The following DOCK10 variants were observed in gnomAD, a reference collection of about 807,000 sequenced individuals.
The protein encoded by DOCK10 is dedicator of cytokinesis 10.
DOCK10 carries 145 observed loss-of-function variants against 280.1 expected under a neutral mutation model. The observed-to-expected ratio is 0.52, with a 90% CI of 0.45 to 0.59. The LOEUF (loss-of-function observed/expected upper bound fraction) is 0.59, where lower values mean the gene tolerates loss of function less well. Ranked by LOEUF, DOCK10 falls within the 20% of genes least tolerant of loss-of-function variation. The pLI is 0.00. For synonymous variants in DOCK10, 915 were observed against 942.2 expected (o/e 0.97, Z 0.53); for missense variants, 2,368 against 2,651.7 (o/e 0.89, Z 2.35).
At chr2:224,868,403 G>A (rs576492657) in intron 11 of DOCK10, among the ~76,000 whole-genome samples, 1 of 152,126 alleles carries the variant, frequency 6.6e-6, no homozygotes, top group South Asian at 2.1e-4. Flanking sequence ...GATTAAAGTT[G>A]GAATACGCCT....
intron 4 of DOCK10, among the ~76,000 whole-genome samples, chr2:224,890,949 A>T (rs1302526735): frequency 1.3e-5 from 2 of 152,232 alleles, no homozygotes; most frequent in Admixed American, 6.5e-5. Flanking sequence ...AACTGCAGAC[A>T]TCTATAGCTG....
intron 1 of DOCK10, among the ~76,000 whole-genome samples, chr2:224,950,732 AAGTT>A (rs1703683807): frequency 6.6e-6 from 1 of 152,208 alleles, no homozygotes; most frequent in Non-Finnish European, 1.5e-5. Flanking sequence ...ACTTAAGAAA[AAGTT>A]AGGACTGGAG....
intron 55 of DOCK10, chr2:224,768,934 G>T (rs145840926): frequency 2.2e-6 from 1 of 456,406 alleles, no homozygotes. Context: ...GTATAAACAC[G>T]GACCTCGACA....
At chr2:224,954,454 A>G (rs903276429) in intron 1 of DOCK10, among the ~76,000 whole-genome samples, 8 of 151,826 alleles carry the variant, frequency 5.3e-5, no homozygotes, top group Admixed American at 5.3e-4. Context: ...ACCCTTTTTG[A>G]AGTTTTTGAT....
chr2:225,024,004 G>A (rs1157518553), intron 1 of DOCK10, among the ~76,000 whole-genome samples: 1 of 152,280 alleles, frequency 6.6e-6, no homozygotes, highest in East Asian at 1.9e-4. Flanking sequence ...CTCCTGATCC[G>A]ATGTACTAAG....
chr2:225,001,375 C>T (rs1191789836), intron 1 of DOCK10, among the ~76,000 whole-genome samples: 7 of 148,608 alleles, frequency 4.7e-5, no homozygotes, highest in African/African-American at 1.0e-4. Context: ...CTGCAAGCTC[C>T]GCCTCCCGGG....
At chr2:224,842,544 T>C (rs572881681) in intron 22 of DOCK10, among the ~76,000 whole-genome samples, 22 of 152,286 alleles carry the variant, frequency 1.4e-4, no homozygotes, top group African/African-American at 5.3e-4. Flanking sequence ...AGAAAGGCAT[T>C]TGTAGCTTGG....
Position 224,841,854 on chromosome 2 carries a change from C to T in DOCK10, c.2611G>A (p.Glu871Lys). Residue 871 changes from glutamate (E) to lysine (K), a missense_variant, in exon 23 of 56, where the codon GAG becomes AAG. Glu to Lys is a moderately conservative substitution (Grantham distance 56, BLOSUM62 1). Around this residue, in one of 2 missense-constraint regions of DOCK10, gnomAD observed 1,209 missense variants for 1,250.9 expected, o/e 0.97. Transcript: ENST00000258390. ...GTAGGTGACTGAGACATATCTTTCT[C>T]TCTTTTTTGGCACTCTTGGAAAAAT... ...NAFFQECQKR[E>K]KDMSQSPTSN... 1 of 1,613,682 alleles carries T rather than the reference C, an allele frequency of 6.2e-7. No homozygotes were observed. Among genetic ancestry groups the T allele is most frequent in the South Asian group, 1.1e-5 (1 of 91,058 alleles).
chr2:224,905,132 A>AT (rs1413469095), intron 3 of DOCK10, among the ~76,000 whole-genome samples: 3 of 152,096 alleles, frequency 2.0e-5, no homozygotes, highest in South Asian at 2.1e-4. Flanking sequence ...TATTATACTC[A>AT]TTGGATCTTA....
chr2:224,874,806 C>A, intron 8 of DOCK10, 55 bp from the exon 9 acceptor site: 1 of 1,502,578 alleles, frequency 6.7e-7, no homozygotes, highest in South Asian at 1.1e-5. Flanking sequence ...GTCACACATT[C>A]TTCTAGCCTG....
chr2:224,916,851 AAC>A, intron 2 of DOCK10, 67 bp from the exon 3 acceptor site: 1 of 1,208,928 alleles, frequency 8.3e-7, no homozygotes, highest in East Asian at 2.5e-5. Flanking sequence ...CAGCACACTG[AAC>A]ACACAAAAGG....
chr2:224,980,106 G>A (rs1276399389), intron 1 of DOCK10, among the ~76,000 whole-genome samples: 2 of 152,178 alleles, frequency 1.3e-5, no homozygotes, highest in African/African-American at 4.8e-5. Context: ...CACTGGAGGA[G>A]GAGAAGGGGT....
At position 225,007,746 on chromosome 2, in the gene DOCK10, C is replaced by T. The variant is rs531634864; in HGVS notation, c.123+34506G>A. Among the ~76,000 whole-genome samples the T allele has an allele frequency of 7.2e-5, 11 of 152,010 alleles. No homozygotes were observed. In the South Asian group the frequency reaches 1.5e-3, roughly 20 times the overall value. ...TAGGAAGGATACAGACAAGCAGGAC[C>T]GATTGCAAGGAGAGCAATGAAGACA... On this transcript the variant is annotated intron_variant, in intron 1 of 55. Transcript: ENST00000258390.
At chr2:224,995,628 G>A (rs1706250346) in intron 1 of DOCK10, among the ~76,000 whole-genome samples, 1 of 152,144 alleles carries the variant, frequency 6.6e-6, no homozygotes, top group Admixed American at 6.5e-5. Flanking sequence ...CAGAACCATG[G>A]AGAGCCACCC....
At chr2:224,999,778 G>T (rs1410735272) in intron 1 of DOCK10, among the ~76,000 whole-genome samples, 4 of 143,412 alleles carry the variant, frequency 2.8e-5, no homozygotes, top group Non-Finnish European at 6.0e-5. Flanking sequence ...GCCCATAATT[G>T]CAGATAAGAA....
At chr2:224,796,241 T>G (rs946673377) in intron 44 of DOCK10, 75 bp downstream of exon 44, 14 of 936,268 alleles carry the variant, frequency 1.5e-5, no homozygotes, top group Admixed American at 6.3e-5. Flanking sequence ...TTTTTATGAT[T>G]TTGATATCTC....
At chr2:224,840,526 T>A (rs1695894343) in intron 23 of DOCK10, among the ~76,000 whole-genome samples, 1 of 152,190 alleles carries the variant, frequency 6.6e-6, no homozygotes, top group Non-Finnish European at 1.5e-5. Context: ...ACGTCATTAA[T>A]CATTGGAGAA....
intron 1 of DOCK10, among the ~76,000 whole-genome samples, chr2:224,933,297 G>A (rs547696717): frequency 1.3e-5 from 2 of 152,260 alleles, no homozygotes; most frequent in African/African-American, 4.8e-5. Context: ...CCCAGGCAAA[G>A]GTTAATTCCA....
At chr2:225,039,462 G>A (rs906036915) in intron 1 of DOCK10, among the ~76,000 whole-genome samples, 4 of 152,136 alleles carry the variant, frequency 2.6e-5, no homozygotes, top group African/African-American at 9.7e-5. Context: ...TACTGTTCTT[G>A]GGAGGGGTGA....
Sources: gnomAD v4.1 joint callset for allele counts (sites outside exome capture counted in the v4.1 genomes callset) on GRCh38, gnomAD v4.1.1 for gene constraint, gnomAD v4.1.1 regional missense constraint, MANE v1.5 for transcripts, NCBI Gene and HGNC (gene_info 2026-07-23, HGNC 2026-07-21) for gene names.